The following ARHGAP15 variants were observed in gnomAD, a reference collection of about 807,000 sequenced individuals.
ARHGAP15 encodes the protein Rho GTPase activating protein 15, also known as rho GTPase-activating protein 15.
Under a neutral mutation model 63.7 loss-of-function variants are expected in ARHGAP15, and 51 were observed. The observed-to-expected ratio is 0.80, with a 90% CI of 0.64 to 1.01. The LOEUF is 1.01. Among genes scored for constraint, ARHGAP15 ranks in the 50% least tolerant of loss-of-function variants. The probability of loss-of-function intolerance (pLI) is 0.00; values close to 1 mark genes in which losing one functional copy is unlikely to be tolerated. For synonymous variants in ARHGAP15, 191 were observed against 193.8 expected (o/e 0.99, Z 0.12); for missense variants, 560 against 564.6 (o/e 0.99, Z 0.08).
At chr2:143,446,665 A>G (rs1690154286) in intron 8 of ARHGAP15, among the ~76,000 whole-genome samples, 1 of 151,426 alleles carries the variant, frequency 6.6e-6, no homozygotes, top group Non-Finnish European at 1.5e-5. Flanking sequence ...TTTAGGGTAC[A>G]TGTGCACAAT....
At chr2:143,221,131 C>A (rs921596585) in intron 4 of ARHGAP15, among the ~76,000 whole-genome samples, 2 of 152,100 alleles carry the variant, frequency 1.3e-5, no homozygotes, top group Non-Finnish European at 2.9e-5. Context: ...CTTCAATTGT[C>A]ACTTAATAAG....
chr2:143,197,967 T>TACAA (rs1553447527), intron 2 of ARHGAP15, among the ~76,000 whole-genome samples: 1 of 148,496 alleles, frequency 6.7e-6, no homozygotes, highest in Non-Finnish European at 1.5e-5. Context: ...AGTGACTGCC[T>TACAA]ACACACACAC....
chr2:143,485,592 A>T (rs1692288433), intron 8 of ARHGAP15, among the ~76,000 whole-genome samples: 1 of 152,124 alleles, frequency 6.6e-6, no homozygotes, highest in Non-Finnish European at 1.5e-5. Flanking sequence ...ATGATCATCA[A>T]CAGGAAGTAA....
intron 12 of ARHGAP15, among the ~76,000 whole-genome samples, chr2:143,646,720 CTA>C (rs1385318353): frequency 2.0e-5 from 3 of 151,960 alleles, no homozygotes; most frequent in Non-Finnish European, 2.9e-5. Flanking sequence ...CCTCATTTAT[CTA>C]TGAGACCAGA....
At chr2:143,416,832 C>T (rs1574418335) in intron 6 of ARHGAP15, among the ~76,000 whole-genome samples, 1 of 52,078 alleles carries the variant, frequency 1.9e-5, no homozygotes, top group Non-Finnish European at 4.3e-5. Context: ...CCCCCCCACC[C>T]CCACGCCCCC....
chr2:143,381,286 T>C (rs1435819941), intron 6 of ARHGAP15, among the ~76,000 whole-genome samples: 2 of 152,160 alleles, frequency 1.3e-5, no homozygotes, highest in Non-Finnish European at 2.9e-5. Flanking sequence ...CTGGGGAATG[T>C]TGATGCATTC....
intron 6 of ARHGAP15, among the ~76,000 whole-genome samples, chr2:143,269,250 GAT>G (rs749850004): frequency 3.3e-5 from 5 of 152,120 alleles, no homozygotes; most frequent in Non-Finnish European, 7.4e-5. Flanking sequence ...CAGAGATAAA[GAT>G]ATAGATTTAG....
intron 12 of ARHGAP15, among the ~76,000 whole-genome samples, chr2:143,683,467 G>C (rs569347092): frequency 2.0e-5 from 3 of 151,910 alleles, no homozygotes; most frequent in Non-Finnish European, 4.4e-5. Flanking sequence ...CAACACAGTT[G>C]TGTTGCTTAA....
At chr2:143,678,630 A>G (rs1682942023) in intron 12 of ARHGAP15, among the ~76,000 whole-genome samples, 1 of 152,224 alleles carries the variant, frequency 6.6e-6, no homozygotes, top group African/African-American at 2.4e-5. Flanking sequence ...CCATAAAATT[A>G]GAGAAGAGAA....
chr2:143,478,918 C>T (rs764914231), intron 8 of ARHGAP15, among the ~76,000 whole-genome samples: 1 of 152,174 alleles, frequency 6.6e-6, no homozygotes, highest in East Asian at 1.9e-4. Context: ...ATTAAGGATA[C>T]ATTATAGCAT....
At chr2:143,529,159 T>G (rs900253718) in intron 10 of ARHGAP15, among the ~76,000 whole-genome samples, 9 of 152,142 alleles carry the variant, frequency 5.9e-5, no homozygotes, top group Non-Finnish European at 8.8e-5. Flanking sequence ...CCAACAAAGA[T>G]GTTCCTCCTA....
intron 6 of ARHGAP15, among the ~76,000 whole-genome samples, chr2:143,310,683 CTTTTA>C (rs1031074996): frequency 4.0e-5 from 6 of 151,892 alleles, no homozygotes; most frequent in African/African-American, 1.4e-4. Flanking sequence ...GCTGCCTTAC[CTTTTA>C]TTTAATTTAC....
intron 2 of ARHGAP15, among the ~76,000 whole-genome samples, chr2:143,197,700 G>A (rs1691936613): frequency 6.6e-6 from 1 of 151,942 alleles, no homozygotes; most frequent in Non-Finnish European, 1.5e-5. Context: ...GCAAAAGACA[G>A]GTGATGAAAG....
At chr2:143,589,364 C>G (rs1697234949) in intron 11 of ARHGAP15, among the ~76,000 whole-genome samples, 1 of 152,194 alleles carries the variant, frequency 6.6e-6, no homozygotes, top group Non-Finnish European at 1.5e-5. Context: ...TTTTGTCTGT[C>G]TCAACCACAA....
chr2:143,257,084 C>G (rs1044864560), intron 6 of ARHGAP15, among the ~76,000 whole-genome samples: 1 of 152,056 alleles, frequency 6.6e-6, no homozygotes, highest in Non-Finnish European at 1.5e-5. Flanking sequence ...GATTTATAAA[C>G]TAAGTGTATC....
At chr2:143,470,743 G>A (rs984726557) in intron 8 of ARHGAP15, among the ~76,000 whole-genome samples, 3 of 149,918 alleles carry the variant, frequency 2.0e-5, no homozygotes, top group African/African-American at 7.3e-5. Flanking sequence ...CCTGTAGATG[G>A]AGGTGATTGG....
chr2:143,723,576 A>G (rs1330034970), intron 13 of ARHGAP15, among the ~76,000 whole-genome samples: 1 of 152,200 alleles, frequency 6.6e-6, no homozygotes, highest in Non-Finnish European at 1.5e-5. Flanking sequence ...TCTATAGATT[A>G]AAGAGAGTGG....
intron 2 of ARHGAP15, among the ~76,000 whole-genome samples, chr2:143,199,711 G>A (rs1692029058): frequency 6.6e-6 from 1 of 152,056 alleles, no homozygotes; most frequent in South Asian, 2.1e-4. Flanking sequence ...GGTAGGCTGA[G>A]AAATGTAGCA....
chr2:143,132,307 G>A (rs1004454619), intron 1 of ARHGAP15, among the ~76,000 whole-genome samples: 46 of 152,184 alleles, frequency 3.0e-4, no homozygotes, highest in African/African-American at 1.1e-3. Flanking sequence ...TGTGTGAAAA[G>A]TCTAAGGATA....
Sources: allele counts gnomAD v4.1 joint callset (sites outside exome capture counted in the v4.1 genomes callset), GRCh38; gene constraint gnomAD v4.1.1; transcripts MANE v1.5; gene names NCBI Gene and HGNC (gene_info 2026-07-23, HGNC 2026-07-21).